Variants in WASF3 observed in about 807,000 individuals in gnomAD.
WASF3 encodes actin-binding protein WASF3.
A neutral mutation model predicts 46.6 loss-of-function variants in WASF3; 11 were observed. That is an observed-to-expected ratio of 0.24 (90% CI 0.15 to 0.39). The LOEUF (loss-of-function observed/expected upper bound fraction) is 0.39. Among genes scored for constraint, WASF3 ranks in the 10% least tolerant of loss-of-function variants. WASF3 has a pLI of 1.00. For synonymous variants in WASF3, 242 were observed against 259.7 expected (o/e 0.93, Z 0.65); for missense variants, 576 against 669.8 (o/e 0.86, Z 1.55).
chr13:26,593,153 T>A (rs1358439909), intron 1 of WASF3, among the ~76,000 whole-genome samples: 1 of 152,122 alleles, frequency 6.6e-6, no homozygotes, highest in Non-Finnish European at 1.5e-5. Flanking sequence ...GTAATGAAAG[T>A]GGAAATGTAA....
At chr13:26,616,340 T>C (rs926829576) in intron 2 of WASF3, among the ~76,000 whole-genome samples, 17 of 152,330 alleles carry the variant, frequency 1.1e-4, no homozygotes, top group Admixed American at 2.0e-4. Flanking sequence ...GGTTTTAATT[T>C]GCCTCTCCTT....
intron 3 of WASF3, among the ~76,000 whole-genome samples, chr13:26,656,274 C>T (rs571749060): frequency 5.3e-5 from 8 of 152,048 alleles, no homozygotes; most frequent in African/African-American, 9.7e-5. Flanking sequence ...TTAAGCTATT[C>T]GTGTCTTAAA....
upstream of WASF3, among the ~76,000 whole-genome samples, chr13:26,554,092 C>CTTTTCTTTCTTTCT (rs1443126879): frequency 4.3e-5 from 1 of 23,262 alleles, no homozygotes; most frequent in South Asian, 2.1e-3. Context: ...TCCTTCCTTC[C>CTTTTCTTTCTTTCT]TTCCTTCTTT....
intron 3 of WASF3, among the ~76,000 whole-genome samples, chr13:26,658,214 C>CT (rs1457535719): frequency 1.3e-5 from 2 of 151,946 alleles, no homozygotes; most frequent in Non-Finnish European, 2.9e-5. Flanking sequence ...GGGATGGGAG[C>CT]TTTTAAAGTT....
chr13:26,553,130 T>G (rs981858356), upstream of WASF3, among the ~76,000 whole-genome samples: 4 of 152,234 alleles, frequency 2.6e-5, no homozygotes, highest in African/African-American at 9.6e-5. Context: ...TGCATCTCAC[T>G]GCCCTGTGGG....
chr13:26,542,411 C>T, the WASF3 span, among the ~76,000 whole-genome samples: 2 of 152,340 alleles, frequency 1.3e-5, no homozygotes, highest in South Asian at 2.1e-4. Flanking sequence ...CAAAGCTGTG[C>T]TGTTGGCCTG....
At chr13:26,636,486 C>T (rs943138984) in intron 2 of WASF3, among the ~76,000 whole-genome samples, 1 of 152,236 alleles carries the variant, frequency 6.6e-6, no homozygotes, top group Admixed American at 6.5e-5. Context: ...AATGCCCCGC[C>T]CTGCTTTGGC....
intron 1 of WASF3, among the ~76,000 whole-genome samples, chr13:26,597,640 G>A (rs1176565840): frequency 8.5e-5 from 13 of 152,168 alleles, no homozygotes; most frequent in Middle Eastern, 6.8e-3. Flanking sequence ...AACAGGCCCC[G>A]GTGTGTGATG....
intron 1 of WASF3, among the ~76,000 whole-genome samples, chr13:26,566,346 T>A (rs991303863): frequency 6.6e-6 from 1 of 152,198 alleles, no homozygotes; most frequent in Non-Finnish European, 1.5e-5. Flanking sequence ...ATGTCTGGAT[T>A]AGCTTATAGG....
At chr13:26,612,067 C>T (rs1880997714) in intron 1 of WASF3, among the ~76,000 whole-genome samples, 3 of 152,126 alleles carry the variant, frequency 2.0e-5, no homozygotes, top group Admixed American at 6.6e-5. Context: ...AGCTGCACCC[C>T]GCCCCACTTC....
chr13:26,587,468 A>G (rs1880165576), intron 1 of WASF3, among the ~76,000 whole-genome samples: 1 of 152,076 alleles, frequency 6.6e-6, no homozygotes, highest in African/African-American at 2.4e-5. Context: ...AAGGAAGCAT[A>G]TTGTCTAGAT....
At chr13:26,637,080 C>T (rs560898865) in intron 2 of WASF3, among the ~76,000 whole-genome samples, 8 of 152,294 alleles carry the variant, frequency 5.3e-5, no homozygotes, top group East Asian at 1.9e-4. Flanking sequence ...GTCAGCATGA[C>T]GGTGTTGCTC....
chr13:26,608,553 G>C (rs530673435), intron 1 of WASF3, among the ~76,000 whole-genome samples: 1 of 152,054 alleles, frequency 6.6e-6, no homozygotes, highest in East Asian at 1.9e-4. Context: ...CTTTCTGGGG[G>C]GCAAAGACCT....
chr13:26,665,714 A>AT, intron 4 of WASF3, among the ~76,000 whole-genome samples: 1 of 152,328 alleles, frequency 6.6e-6, no homozygotes, highest in East Asian at 1.9e-4. Context: ...TAGTTAACTG[A>AT]TAGTCATTTG....
intron 2 of WASF3, among the ~76,000 whole-genome samples, chr13:26,628,225 C>G (rs1881533597): frequency 6.6e-6 from 1 of 152,128 alleles, no homozygotes; most frequent in Non-Finnish European, 1.5e-5. Flanking sequence ...AGTAAGAAAA[C>G]AAAACAAACA....
intron 3 of WASF3, among the ~76,000 whole-genome samples, chr13:26,650,527 A>G (rs1032719702): frequency 3.9e-5 from 6 of 152,218 alleles, no homozygotes; most frequent in African/African-American, 9.6e-5. Flanking sequence ...TAAAAGAACT[A>G]TGATTAATAT....
rs528645159 is a variant in WASF3 at position 26,687,459 on chromosome 13, T to C, written c.*1614T>C. On this transcript the variant is annotated 3_prime_UTR_variant, in exon 10 of 10. Coordinates refer to ENST00000335327, the MANE Select transcript of WASF3 (RefSeq NM_006646.6). ...GTGTGTGTCTCGAGTGGCTACCTGT[T>C]GGGCTTGTGGGCAGTGATTGTACAG... 6.6e-6 allele frequency: 1 copy of C among 152,144 alleles called. No homozygotes were observed. Among genetic ancestry groups the C allele is most frequent in the African/African-American group, 2.4e-5 (1 of 41,404 alleles). The allele number at this position is 152,144 out of a possible 1,614,324, so 9.4% of individuals were successfully genotyped here.
At chr13:26,557,516 C>T (rs1026192704), upstream of WASF3, among the ~76,000 whole-genome samples, 2 of 151,494 alleles carry the variant, frequency 1.3e-5, no homozygotes, top group African/African-American at 4.9e-5. Context: ...CAATCCCCCG[C>T]CCCTCGGCAC....
intron 6 of WASF3, among the ~76,000 whole-genome samples, chr13:26,675,607 G>A (rs1457533467): frequency 1.4e-5 from 2 of 146,730 alleles, no homozygotes; most frequent in African/African-American, 5.0e-5. Flanking sequence ...CTTTATTTGT[G>A]TCCTCTTGTG....
Sources: allele counts gnomAD v4.1 joint callset (sites outside exome capture counted in the v4.1 genomes callset), GRCh38; gene constraint gnomAD v4.1.1; transcripts MANE v1.5; gene names NCBI Gene and HGNC (gene_info 2026-07-23, HGNC 2026-07-21).